SLC4A10: variants seen among roughly 807,000 people sequenced by gnomAD.
The protein encoded by SLC4A10 is solute carrier family 4 member 10.
In SLC4A10, 42 loss-of-function variants were observed where a neutral mutation model predicts 137.7. The ratio of observed to expected loss-of-function variants is 0.30; its 90% confidence interval spans 0.24 to 0.39. The LOEUF (loss-of-function observed/expected upper bound fraction) is 0.39. Among genes scored for constraint, SLC4A10 ranks in the 10% least tolerant of loss-of-function variants. The pLI is 1.00. For synonymous variants in SLC4A10, 474 were observed against 464.1 expected, an observed-to-expected ratio of 1.02 and a Z score of -0.27; for missense variants, 925 against 1,355.0, an observed-to-expected ratio of 0.68 and a Z score of 4.98.
At position 161,921,253 on chromosome 2, in the gene SLC4A10, TCC is replaced by T. The variant is rs1178532384; in HGVS notation, c.1997+15368_1997+15369del. ...CTCTCTCTTCATTGTACCTGTGAAT[TCC>T]CACATGCAGATCATCACTAGATCTG... is the stretch of plus-strand genomic sequence containing the variant. On this transcript the variant is annotated intron_variant, in intron 15 of 26. Coordinates refer to ENST00000446997, the MANE Select transcript of SLC4A10 (RefSeq NM_001178015.2). Among the ~76,000 whole-genome samples, 4 of 152,166 alleles carry T rather than the reference TCC, an allele frequency of 2.6e-5. No homozygotes were observed. In the South Asian group the frequency reaches 8.3e-4, roughly 31 times the overall value.
intron 1 of SLC4A10, among the ~76,000 whole-genome samples, chr2:161,755,829 G>A (rs2049568316): frequency 6.7e-6 from 1 of 149,274 alleles, no homozygotes; most frequent in Non-Finnish European, 1.5e-5. Flanking sequence ...GGAGTGCAAT[G>A]GCGCAATCTC....
intron 3 of SLC4A10, among the ~76,000 whole-genome samples, chr2:161,830,395 T>C (rs962261741): frequency 2.4e-4 from 37 of 152,104 alleles, no homozygotes; most frequent in Non-Finnish European, 1.0e-4. Flanking sequence ...GTGTTATATT[T>C]AGTTTAATAG....
chr2:161,655,396 T>A (rs959516768), intron 1 of SLC4A10, among the ~76,000 whole-genome samples: 1 of 152,210 alleles, frequency 6.6e-6, no homozygotes, highest in Non-Finnish European at 1.5e-5. Context: ...CCAGTACTAT[T>A]TTGAATAGAA....
intron 1 of SLC4A10, among the ~76,000 whole-genome samples, chr2:161,695,972 TTACATATGTA>T (rs1217850237): frequency 2.0e-5 from 3 of 152,168 alleles, no homozygotes; most frequent in African/African-American, 7.2e-5. Context: ...TGCAGGTTTG[TTACATATGTA>T]TACATGTGCC....
chr2:161,977,299 A>G, intron 25 of SLC4A10: 1 of 425,594 alleles, frequency 2.3e-6, no homozygotes, highest in Non-Finnish European at 4.7e-6. Context: ...TATTTAGTAT[A>G]GTTCTAGTCC....
chr2:161,928,838 A>G lies in SLC4A10; in HGVS notation c.1998-13954A>G, dbSNP rs560078647. Among the ~76,000 whole-genome samples, 7 of 152,208 alleles carry G rather than the reference A, an allele frequency of 4.6e-5. No individual in the cohort carries two copies. The South Asian group carries it at 1.5e-3, about 32-fold the overall frequency. On this transcript the variant is annotated intron_variant, in intron 15 of 26. Coordinates refer to ENST00000446997, the MANE Select transcript of SLC4A10 (RefSeq NM_001178015.2). ...CGTATAGCAACTGTATGCACGCCAT[A>G]CCTATAGGCATAGATATACAGTAGC...
chr2:161,650,719 C>T (rs1005559704), intron 1 of SLC4A10, among the ~76,000 whole-genome samples: 1 of 152,192 alleles, frequency 6.6e-6, no homozygotes, highest in Non-Finnish European at 1.5e-5. Context: ...TGTGCATGCA[C>T]CCACTCAAGG....
chr2:161,686,968 C>T (rs1484125266), intron 1 of SLC4A10, among the ~76,000 whole-genome samples: 11 of 150,038 alleles, frequency 7.3e-5, no homozygotes, highest in Non-Finnish European at 1.0e-4. Flanking sequence ...CTGCAACCTC[C>T]GCCTCCCGGG....
chr2:161,702,964 C>T (rs115622113), intron 1 of SLC4A10, among the ~76,000 whole-genome samples: 3 of 151,660 alleles, frequency 2.0e-5, no homozygotes, highest in South Asian at 2.1e-4. Flanking sequence ...GTATGCCTAC[C>T]TTTCCTTTTC....
rs1336973080 is a variant in SLC4A10 at position 161,859,623 on chromosome 2, C to A, written c.578-3251C>A. ...TTTTTTTTTTTTTTTTTTTTTGAGG[C>A]GGAGTCTTGCTTTGTCTCCCAGGCT... is the stretch of plus-strand genomic sequence containing the variant. On this transcript the variant is annotated intron_variant, in intron 5 of 26. Coordinates refer to ENST00000446997, the MANE Select transcript of SLC4A10 (RefSeq NM_001178015.2). 1.9e-4 allele frequency among the ~76,000 whole-genome samples: 12 copies of A among 63,442 alleles called. No homozygotes were observed. In the East Asian group the frequency reaches 2.4e-3, roughly 13 times the overall value. 41.6% of individuals were successfully genotyped at this position (63,442 alleles called of 152,430 possible).
At chr2:161,933,866 A>G (rs892433582) in intron 15 of SLC4A10, among the ~76,000 whole-genome samples, 8 of 152,188 alleles carry the variant, frequency 5.3e-5, no homozygotes, top group African/African-American at 1.7e-4. Context: ...GATGGATCAT[A>G]TGGTAGGTCT....
intron 1 of SLC4A10, among the ~76,000 whole-genome samples, chr2:161,741,916 A>T (rs184923197): frequency 7.2e-5 from 11 of 152,228 alleles, no homozygotes; most frequent in Non-Finnish European, 2.9e-5. Context: ...GGTCTTATTC[A>T]TTGTATCTAA....
In SLC4A10 at chr2:161,727,303, C is replaced by G. The variant is rs114239496; in HGVS notation, c.49-43670C>G. Among the ~76,000 whole-genome samples the G allele has an allele frequency of 4.3e-3, 653 of 152,236 alleles. 7 individuals carry two copies. The highest frequency in any genetic ancestry group is 0.014 in the African/African-American group (580 of 41,556). ...CCCCAAACATATTGAAATCAGTGTTCCCCCCAAAAAACAACTAAACCAAAT... is the reference window on the plus strand; with the variant it reads ...CCCCAAACATATTGAAATCAGTGTTGCCCCCAAAAAACAACTAAACCAAAT... On this transcript the variant is annotated intron_variant, in intron 1 of 26. Coordinates refer to ENST00000446997, the MANE Select transcript of SLC4A10 (RefSeq NM_001178015.2).
chr2:161,858,498 A>G (rs1170459621), intron 5 of SLC4A10, among the ~76,000 whole-genome samples: 1 of 152,154 alleles, frequency 6.6e-6, no homozygotes, highest in Non-Finnish European at 1.5e-5. Context: ...AACTCAATAA[A>G]TTTAAACTTT....
intron 1 of SLC4A10, among the ~76,000 whole-genome samples, chr2:161,698,719 T>A (rs554409607): frequency 4.5e-4 from 68 of 152,334 alleles, no homozygotes; most frequent in Non-Finnish European, 8.8e-4. Context: ...CAGTATTTTA[T>A]TGAGGATTTT....
chr2:161,822,503 T>A (rs2057706248), intron 3 of SLC4A10, among the ~76,000 whole-genome samples: 1 of 152,218 alleles, frequency 6.6e-6, no homozygotes, highest in South Asian at 2.1e-4. Context: ...TTTTTTTAAA[T>A]GGCTATTCAA....
chr2:161,879,361 G>A, intron 9 of SLC4A10, 73 bp downstream of exon 9: 1 of 1,407,278 alleles, frequency 7.1e-7, no homozygotes, highest in Non-Finnish European at 9.6e-7. Context: ...AGGATTCAAT[G>A]TAATTTTCTG....
At position 161,830,174 on chromosome 2, in the gene SLC4A10, AAAAT is replaced by A. The variant is rs1219211568; in HGVS notation, c.278-9612_278-9609del. 2.7e-5 allele frequency among the ~76,000 whole-genome samples: 4 copies of A among 150,718 alleles called. No individual in the cohort carries two copies. The South Asian group carries it at 6.3e-4, about 24-fold the overall frequency. On this transcript the variant is annotated intron_variant, in intron 3 of 26. Coordinates refer to ENST00000446997, the MANE Select transcript of SLC4A10 (RefSeq NM_001178015.2). ...TAGGAACTAAAGCAAAAAAAAAAAA[AAAAT>A]AACAACAACCAGGGCAGTTTTATTG...
chr2:161,766,641 A>G (rs989389755), intron 1 of SLC4A10, among the ~76,000 whole-genome samples: 5 of 152,104 alleles, frequency 3.3e-5, no homozygotes, highest in Non-Finnish European at 1.5e-5. Context: ...CAAAAATAAT[A>G]AATTTGCTTT....
Sources: allele counts gnomAD v4.1 joint callset (sites outside exome capture counted in the v4.1 genomes callset), GRCh38; gene constraint gnomAD v4.1.1; transcripts MANE v1.5; gene names NCBI Gene and HGNC (gene_info 2026-07-23, HGNC 2026-07-21).